Variants in ABR observed in about 807,000 individuals in gnomAD.
The protein encoded by ABR is active breakpoint cluster region-related protein.
In ABR, 35 loss-of-function variants were observed where a neutral mutation model predicts 107.2. That is an observed-to-expected ratio of 0.33 (90% CI 0.25 to 0.43). ABR has a LOEUF of 0.43. ABR is among the 20% of genes least tolerant of loss of function. The pLI is 1.00. For missense variants in ABR, 815 were observed against 1,115.2 expected (o/e 0.73, Z 3.83); for synonymous variants, 498 against 462.0 (o/e 1.08, Z -1.00).
rs1349511715 is a variant in ABR at position 1,157,042 on chromosome 17, G to C, written c.61+22625C>G. 1.3e-5 allele frequency among the ~76,000 whole-genome samples: 2 copies of C among 152,162 alleles called. No individual in the cohort carries two copies. Among genetic ancestry groups the C allele is most frequent in the Non-Finnish European group, 2.9e-5 (2 of 68,038 alleles). The stretch of plus-strand genomic sequence containing the variant: ...AACAGTCCACACACACATACGATAA[G>C]TTAACTCACCGCAGCCTCACACCGC... On this transcript the variant is annotated intron_variant, in intron 1 of 22. Transcript: ENST00000302538. The surrounding 1 kb of genome is among the most constrained non-coding windows in gnomAD (Gnocchi z 4.7).
At chr17:1,161,824 G>A (rs1419012867) in intron 1 of ABR, among the ~76,000 whole-genome samples, 5 of 152,146 alleles carry the variant, frequency 3.3e-5, no homozygotes. Context: ...CACAGTGCTG[G>A]GATGACAGGT....
intron 1 of ABR, among the ~76,000 whole-genome samples, chr17:1,165,234 CA>C (rs2041459585): frequency 6.6e-6 from 1 of 152,218 alleles, no homozygotes; most frequent in Admixed American, 6.5e-5. Context: ...TCCCACAATC[CA>C]AAAATGCCCC....
At chr17:1,069,594 C>A (rs568347879) in intron 9 of ABR, among the ~76,000 whole-genome samples, 1 of 152,272 alleles carries the variant, frequency 6.6e-6, no homozygotes, top group East Asian at 1.9e-4. Context: ...ATCGCTTGAA[C>A]CCGGGAGGCA....
intron 5 of ABR, among the ~76,000 whole-genome samples, chr17:1,082,117 C>T (rs1006297337): frequency 2.0e-5 from 3 of 152,058 alleles, no homozygotes; most frequent in South Asian, 2.1e-4. Flanking sequence ...AGAGCTGAGA[C>T]GGGAACACAA....
chr17:1,213,519 AGCTTGGATTACAGGT>A (rs1470706930), intron 1 of ABR, among the ~76,000 whole-genome samples: 1 of 152,016 alleles, frequency 6.6e-6, no homozygotes, highest in Non-Finnish European at 1.5e-5. Context: ...CCTCCTGAGT[AGCTTGGATTACAGGT>A]GCATGCCACT....
intron 2 of ABR, among the ~76,000 whole-genome samples, chr17:1,123,182 T>C (rs2258694): frequency 0.97 from 147,775 of 152,218 alleles, 71,898 homozygotes; most frequent in Middle Eastern, 1. Context: ...AAACGCTCCC[T>C]GAGGAGGGAA....
chr17:1,148,103 G>C lies in ABR; in HGVS notation c.62-22736C>G, dbSNP rs1321371677. On this transcript the variant is annotated intron_variant, in intron 1 of 22. Transcript: ENST00000302538. The surrounding 1 kb of genome is among the most constrained non-coding windows in gnomAD (Gnocchi z 4.9). ...AAGCTTCAAGGATGGCCTGCTTGCT[G>C]CTGATGAGTGAAGTAAGCCCAAAGG... Among the ~76,000 whole-genome samples the C allele has an allele frequency of 6.6e-6, 1 of 152,228 alleles. No homozygotes were observed. The highest frequency in any genetic ancestry group is 1.5e-5 in the Non-Finnish European group (1 of 68,050).
intron 12 of ABR, 39 bp from the exon 13 acceptor site, chr17:1,057,141 G>A (rs752827403): frequency 2.1e-6 from 3 of 1,401,148 alleles, no homozygotes; most frequent in Non-Finnish European, 3.0e-6. Flanking sequence ...CGTGGGCACT[G>A]GTCCACCAGG....
At chr17:1,182,457 T>TC (rs1040691481), upstream of ABR, 1 of 152,216 alleles carries the variant, frequency 6.6e-6, no homozygotes, top group Non-Finnish European at 1.5e-5. Context: ...AAGCTCCGCC[T>TC]CCCGGGTTCA....
chr17:1,078,911 C>T lies in ABR; in HGVS notation c.700+419G>A, dbSNP rs2277685. The T allele has an allele frequency of 4.2e-5, 65 of 1,533,086 alleles. No homozygotes were observed. In the East Asian group the frequency reaches 5.1e-4, roughly 12 times the overall value. 95.0% of individuals were successfully genotyped at this position (1,533,086 alleles called of 1,614,324 possible). ...CGTGCAGCCATCGCTCCAGGCTCCC[C>T]GGCGCCCACCAGCAGCCCGGCCACT... On this transcript the variant is annotated intron_variant, in intron 6 of 22. Coordinates refer to ENST00000302538, the MANE Select transcript of ABR (RefSeq NM_021962.5). This position sits in a 1 kb window ranked among gnomAD's most constrained non-coding sequence, Gnocchi z 7.5.
At chr17:1,152,282 CAAAAA>C (rs782238294) in intron 1 of ABR, among the ~76,000 whole-genome samples, 12 of 126,950 alleles carry the variant, frequency 9.5e-5, no homozygotes, top group East Asian at 2.5e-4. Flanking sequence ...GACTCTGTCT[CAAAAA>C]AAAAAAAAAA....
chr17:1,068,291 A>T (rs1039849690), intron 9 of ABR, among the ~76,000 whole-genome samples: 1 of 152,150 alleles, frequency 6.6e-6, no homozygotes, highest in African/African-American at 2.4e-5. Context: ...TTAGATTTGC[A>T]CTTCTCATTC....
chr17:1,013,216 G>C, intron 16 of ABR, 52 bp from the exon 17 acceptor site: 6 of 1,569,008 alleles, frequency 3.8e-6, no homozygotes, highest in Non-Finnish European at 5.3e-6. Flanking sequence ...GGCCAAGCCA[G>C]AGATCTCCCC....
intron 18 of ABR, chr17:1,012,452 G>A (rs772161442): frequency 3.2e-5 from 22 of 693,208 alleles, no homozygotes; most frequent in Middle Eastern, 4.6e-4. Flanking sequence ...AGGAGCAGAC[G>A]ATCTGGGATC....
chr17:1,083,723 T>C (rs1470891486), intron 4 of ABR, 96 bp from the exon 5 acceptor site: 2 of 1,013,640 alleles, frequency 2.0e-6, no homozygotes, highest in Non-Finnish European at 3.1e-6. Flanking sequence ...GGAGCTCCCC[T>C]GCACTGAAAA....
intron 1 of ABR, chr17:1,156,092 A>G (rs1327499762): frequency 2.0e-5 from 3 of 152,128 alleles, no homozygotes; most frequent in African/African-American, 7.2e-5. Context: ...CAACTCCAAC[A>G]CTGTGATCCT....
chr17:1,224,871 C>T (rs1475103567), intron 1 of ABR, among the ~76,000 whole-genome samples: 4 of 151,874 alleles, frequency 2.6e-5, no homozygotes, highest in South Asian at 2.1e-4. Flanking sequence ...GGGGTCTCAC[C>T]GGGTGCGGTG....
rs554248884 is a variant in ABR, at chr17:1,050,467, G to A, written c.1659+70C>T. Reference sequence around the variant, plus strand: ...AGCTGGTCCAACCAATGGGCTGGCCGTCCCCAGCAGACAAGCCACGAGCAC... The same window carrying A: ...AGCTGGTCCAACCAATGGGCTGGCCATCCCCAGCAGACAAGCCACGAGCAC... On this transcript the variant is annotated intron_variant, in intron 15 of 22. Coordinates refer to ENST00000302538, the MANE Select transcript of ABR (RefSeq NM_021962.5). This position sits in a 1 kb window ranked among gnomAD's most constrained non-coding sequence, Gnocchi z 4.6. 89 of 1,404,236 alleles carry A rather than the reference G, an allele frequency of 6.3e-5. No homozygotes were observed. The highest frequency in any genetic ancestry group is 5.1e-4 in the African/African-American group (36 of 70,766). The allele number at this position is 1,404,236 out of a possible 1,614,324, so 87.0% of individuals were successfully genotyped here.
chr17:1,124,975 G>A (rs913975482), intron 2 of ABR, among the ~76,000 whole-genome samples: 3 of 152,032 alleles, frequency 2.0e-5, no homozygotes, highest in Non-Finnish European at 2.9e-5. Flanking sequence ...AGACAGGGGC[G>A]GCAGCGTTGG....
Sources: allele counts gnomAD v4.1 joint callset (sites outside exome capture counted in the v4.1 genomes callset), GRCh38; gene constraint gnomAD v4.1.1; non-coding constraint Gnocchi (gnomAD v3.1); transcripts MANE v1.5; gene names NCBI Gene and HGNC (gene_info 2026-07-23, HGNC 2026-07-21).